Variants in MASTL observed in about 807,000 individuals in gnomAD.
MASTL encodes the protein serine/threonine-protein kinase greatwall.
In MASTL, 54 loss-of-function variants were observed where a neutral mutation model predicts 82.5. The observed-to-expected ratio is 0.65, with a 90% CI of 0.53 to 0.82. MASTL has a LOEUF of 0.82. MASTL is among the 40% of genes least tolerant of loss of function. The pLI is 0.00. For missense variants in MASTL, 950 were observed against 1,047.8 expected, an observed-to-expected ratio of 0.91 and a Z score of 1.29; for synonymous variants, 323 against 368.9, an observed-to-expected ratio of 0.88 and a Z score of 1.43.
intron 7 of MASTL, among the ~76,000 whole-genome samples, chr10:27,168,267 T>C (rs2057802096): frequency 2.0e-5 from 3 of 152,216 alleles, no homozygotes; most frequent in Non-Finnish European, 2.9e-5. Context: ...TGCTGCAAGA[T>C]AAACAGATTT....
chr10:27,166,256 T>A (rs894453449), intron 6 of MASTL, among the ~76,000 whole-genome samples: 4 of 152,176 alleles, frequency 2.6e-5, no homozygotes, highest in African/African-American at 7.2e-5. Flanking sequence ...TAGTATTTTT[T>A]AAAAATCCCT....
rs1296210565 is a variant in MASTL at position 27,170,408 on chromosome 10, C to G, written c.1449C>G (p.Gly483=). The change falls in exon 8 of 12, where the codon GGC becomes GGG. Residue 483 remains glycine (G), a synonymous_variant. Coordinates refer to ENST00000375940, the MANE Select transcript of MASTL (RefSeq NM_001172303.3). ...ATTGTTATACAAATCAAAATACAGGCTTAACAGTTGAAGTGCAGGACCTTA... is the reference window on the plus strand; with the variant it reads ...ATTGTTATACAAATCAAAATACAGGGTTAACAGTTGAAGTGCAGGACCTTA... The part of the protein sequence containing the change: ...MTNCYTNQNT[G]LTVEVQDLKL... 4.3e-6 allele frequency: 7 copies of G among 1,613,978 alleles called. No homozygotes were observed. Among genetic ancestry groups the G allele is most frequent in the Non-Finnish European group, 5.9e-6 (7 of 1,179,934 alleles).
intron 6 of MASTL, among the ~76,000 whole-genome samples, chr10:27,166,163 T>C (rs534338006): frequency 6.6e-6 from 1 of 152,152 alleles, no homozygotes; most frequent in East Asian, 1.9e-4. Flanking sequence ...GCTGAGATCA[T>C]ACCACTGTAC....
chr10:27,161,050 T>C (rs1309672270), intron 3 of MASTL, 44 bp from the exon 4 acceptor site: 1 of 1,205,070 alleles, frequency 8.3e-7, no homozygotes, highest in Admixed American at 1.7e-5. Flanking sequence ...ACATTAAAAC[T>C]AGCCCTTTTT....
At position 27,158,555 on chromosome 10, in the gene MASTL, A is replaced by G. The variant is rs780484124; in HGVS notation, c.193A>G (p.Lys65Glu). 1 of 1,598,410 alleles carries G rather than the reference A, an allele frequency of 6.3e-7. No individual in the cohort carries two copies. Among genetic ancestry groups the G allele is most frequent in the Middle Eastern group, 1.7e-4 (1 of 6,038 alleles). The change falls in exon 2 of 12, where the codon AAA (lysine) becomes GAA (glutamate). Residue 65 changes from lysine (K) to glutamate (E), a missense_variant. Lys to Glu is a moderately conservative substitution (Grantham distance 56). Coordinates refer to ENST00000375940, the MANE Select transcript of MASTL (RefSeq NM_001172303.3). ...GGKLYAVKVVKKADMINKNMT... is the reference protein window; with the variant it reads ...GGKLYAVKVVEKADMINKNMT... ...TTTATTTTATCTATTACAGGTTGTT[A>G]AAAAAGCAGACATGATCAACAAAAA...
intron 9 of MASTL, among the ~76,000 whole-genome samples, chr10:27,175,846 C>T (rs973526931): frequency 1.3e-5 from 2 of 152,096 alleles, no homozygotes; most frequent in African/African-American, 4.8e-5. Context: ...GCTGTAATCC[C>T]AGCACTTTGG....
Position 27,165,048 on chromosome 10 carries a change from T to C in MASTL, c.554-16T>C. ...AGGTTTTAAATACATTTATATACTT[T>C]TCTTTGCATACATAGATATTAATAT... On this transcript the variant is annotated splice_polypyrimidine_tract_variant and intron_variant, in intron 4 of 11. Transcript: ENST00000375940. 1.4e-6 allele frequency: 2 copies of C among 1,439,542 alleles called. No individual in the cohort carries two copies. Among genetic ancestry groups the C allele is most frequent in the South Asian group, 1.1e-5 (1 of 87,530 alleles). The allele number at this position is 1,439,542 out of a possible 1,614,324, so 89.2% of individuals were successfully genotyped here.
chr10:27,185,854 C>T (rs539833333), intron 11 of MASTL, among the ~76,000 whole-genome samples: 1 of 151,614 alleles, frequency 6.6e-6, no homozygotes, highest in African/African-American at 2.4e-5. Context: ...CTTTGGAAGG[C>T]CAAGGTGGGC....
chr10:27,164,842 T>C (rs1481020519), intron 4 of MASTL, among the ~76,000 whole-genome samples: 1 of 151,930 alleles, frequency 6.6e-6, no homozygotes, highest in Non-Finnish European at 1.5e-5. Flanking sequence ...TTCACCATGT[T>C]GGCCAGGCTG....
intron 11 of MASTL, among the ~76,000 whole-genome samples, chr10:27,184,879 T>C (rs1391267032): frequency 6.6e-6 from 1 of 152,116 alleles, no homozygotes; most frequent in Non-Finnish European, 1.5e-5. Context: ...TACTTTTATT[T>C]TACTAGGTAG....
At chr10:27,181,349 C>T in intron 10 of MASTL, 131 bp from the exon 11 acceptor site, 1 of 714,726 alleles carries the variant, frequency 1.4e-6, no homozygotes, top group Non-Finnish European at 2.4e-6. Context: ...TGAGATCACG[C>T]TTTTGCACTC....
rs112511530 is a variant in MASTL at position 27,171,825 on chromosome 10, CTTTTT to C, written c.2124+760_2124+764del. Among the ~76,000 whole-genome samples the C allele has an allele frequency of 6.4e-5, 6 of 93,582 alleles. 1 individual carries two copies. The East Asian group carries it at 1.3e-3, about 21-fold the overall frequency. The allele number at this position is 93,582 out of a possible 152,430, so 61.4% of individuals were successfully genotyped here. On this transcript the variant is annotated intron_variant, in intron 8 of 11. Transcript: ENST00000375940. The stretch of plus-strand genomic sequence containing the variant: ...AGAATAAAAGTTGAAAAATATGTTT[CTTTTT>C]TTTTTTTTTTTTTTTTTGAGACAAA...
intron 4 of MASTL, among the ~76,000 whole-genome samples, chr10:27,163,427 A>G (rs1454823875): frequency 6.6e-6 from 1 of 152,196 alleles, no homozygotes; most frequent in Non-Finnish European, 1.5e-5. Flanking sequence ...AATATCACAA[A>G]TGACAAAAAT....
In MASTL at chr10:27,186,375, T is replaced by C. The variant is rs369202273; in HGVS notation, c.2483-4T>C. The C allele has an allele frequency of 5.0e-6, 8 of 1,613,846 alleles. No homozygotes were observed. Among genetic ancestry groups the C allele is most frequent in the Non-Finnish European group, 6.8e-6 (8 of 1,179,826 alleles). On this transcript the variant is annotated splice_region_variant and splice_polypyrimidine_tract_variant and intron_variant, in intron 11 of 11. Coordinates refer to ENST00000375940, the MANE Select transcript of MASTL (RefSeq NM_001172303.3). ...ATACTGTTTTGTTTTATATTTTTCC[T>C]AAGAGCTAAAACGTCATCCTCTCTT...
At position 27,181,413 on chromosome 10, in the gene MASTL, A is replaced by C. The variant is rs1281308354; in HGVS notation, c.2381-67A>C. ...TCTCAAAAAACAAAAAAAAGTAGTC[A>C]TTTATCTCTGGATACTATTATTTTG... On this transcript the variant is annotated intron_variant, in intron 10 of 11. Coordinates refer to ENST00000375940, the MANE Select transcript of MASTL (RefSeq NM_001172303.3). 5 of 1,212,762 alleles carry C rather than the reference A, an allele frequency of 4.1e-6. No homozygotes were observed. The African/African-American group carries it at 4.5e-5, about 11-fold the overall frequency. 75.1% of individuals were successfully genotyped at this position (1,212,762 alleles called of 1,614,324 possible).
chr10:27,177,901 CTAT>C (rs2058151536), intron 9 of MASTL: 1 of 401,948 alleles, frequency 2.5e-6, no homozygotes, highest in Non-Finnish European at 3.4e-6. Flanking sequence ...GCATAAAAAA[CTAT>C]TTTTCCTTTT....
At chr10:27,178,062 C>CT (rs2058157084) in intron 9 of MASTL, among the ~76,000 whole-genome samples, 1 of 152,110 alleles carries the variant, frequency 6.6e-6, no homozygotes, top group Non-Finnish European at 1.5e-5. Flanking sequence ...AAGACGCAGT[C>CT]TTTTTTATTA....
Position 27,165,500 on chromosome 10 carries a change from A to C in MASTL, c.772A>C (p.Lys258Gln). 1 of 1,614,206 alleles carries C rather than the reference A, an allele frequency of 6.2e-7. No individual in the cohort carries two copies. Among genetic ancestry groups the C allele is most frequent in the Non-Finnish European group, 8.5e-7 (1 of 1,180,026 alleles). Residue 258 changes from lysine (K) to glutamine (Q), a missense_variant, in exon 6 of 12, where the codon AAG becomes CAG. Transcript: ENST00000375940. ...CGTATGCCCTATGTCTGTAGATCAA[A>C]AGGACACTACGCCTTATTCTAGCAA... The part of the protein sequence containing the change: ...GLVCPMSVDQ[K>Q]DTTPYSSKLL...
In MASTL at chr10:27,167,206, T is replaced by A. The variant is rs183949238; in HGVS notation, c.916T>A (p.Ser306Thr). 1.9e-6 allele frequency: 3 copies of A among 1,614,074 alleles called. No individual in the cohort carries two copies. The East Asian group carries it at 6.7e-5, about 36-fold the overall frequency. ...GGCCACATCCAGTGCCAGTAGTCAA[T>A]CCCACACCTTCATATCCAGTGTGGA... ...RLATSSASSQ[S>T]HTFISSVESE... The change falls in exon 7 of 12, where the codon TCC becomes ACC. Residue 306 changes from serine (S) to threonine (T), a missense_variant. Coordinates refer to ENST00000375940, the MANE Select transcript of MASTL (RefSeq NM_001172303.3).
Sources: gnomAD v4.1 joint callset for allele counts (sites outside exome capture counted in the v4.1 genomes callset) on GRCh38, gnomAD v4.1.1 for gene constraint, MANE v1.5 for transcripts, NCBI Gene and HGNC (gene_info 2026-07-23, HGNC 2026-07-21) for gene names.